Variants in AP1G2 observed in about 807,000 individuals in gnomAD.
AP1G2 encodes adaptor related protein complex 1 subunit gamma 2, also known as AP-1 complex subunit gamma-like 2.
In AP1G2, 85 loss-of-function variants were observed where a neutral mutation model predicts 95.8. That is an observed-to-expected ratio of 0.89 (90% CI 0.74 to 1.06). AP1G2 has a LOEUF of 1.06. Among genes scored for constraint, AP1G2 ranks in the 50% least tolerant of loss-of-function variants. The pLI, the probability that AP1G2 is intolerant of heterozygous loss-of-function variation, is 0.00. For synonymous variants in AP1G2, 378 were observed against 400.0 expected (o/e 0.94, Z 0.66); for missense variants, 967 against 1,005.8 (o/e 0.96, Z 0.52).
Position 23,562,064 on chromosome 14 carries a change from C to T in AP1G2, c.1631G>A (p.Arg544His), listed in dbSNP as rs375677387. Reference sequence around the variant, plus strand: ...GTAGATGGACACCACCTGGCGGATGCGGCTGGGCCAGTGTAGTATGTAAGT... The same window carrying T: ...GTAGATGGACACCACCTGGCGGATGTGGCTGGGCCAGTGTAGTATGTAAGT... ...LSTRLCGDNN[R>H]IRQVVSIYGS... Residue 544 changes from arginine (R) to histidine (H), a missense_variant and splice_region_variant, in exon 17 of 22, where the codon CGC (arginine) becomes CAC (histidine). Transcript: ENST00000397120. The T allele has an allele frequency of 1.2e-5, 20 of 1,612,628 alleles. No individual in the cohort carries two copies. The highest frequency in any genetic ancestry group is 7.7e-5 in the South Asian group (7 of 90,924).
chr14:23,565,392 T>TAA, intron 7 of AP1G2, 193 bp from the exon 8 acceptor site: 4 of 663,366 alleles, frequency 6.0e-6, no homozygotes, highest in Non-Finnish European at 1.0e-5. Context: ...AGGACAGGCT[T>TAA]AAAAAAAAAA....
At chr14:23,563,976 G>C (rs548955790) in intron 11 of AP1G2, 70 bp downstream of exon 11, 1 of 1,607,740 alleles carries the variant, frequency 6.2e-7, no homozygotes, top group Admixed American at 1.7e-5. Flanking sequence ...GCTCTAAACT[G>C]GCTCGAGTCT....
At chr14:23,564,276 A>G (rs1283707053) in intron 10 of AP1G2, 57 bp downstream of exon 10, 2 of 1,613,872 alleles carry the variant, frequency 1.2e-6, no homozygotes, top group Non-Finnish European at 1.7e-6. Context: ...TGGAGGAAGG[A>G]GGGCAGAGGG....
Position 23,561,547 on chromosome 14 carries a change from G to C in AP1G2, c.1822C>G (p.Leu608Val), listed in dbSNP as rs759013778. 1.4e-5 allele frequency: 23 copies of C among 1,614,042 alleles called. No individual in the cohort carries two copies. Among genetic ancestry groups the C allele is most frequent in the Non-Finnish European group, 8.5e-7 (1 of 1,180,030 alleles). ...GTGGGCACTGGGGCTGCTTCTGAAA[G>C]CTGGGCTGCTTCTTTGCTTTCCTTT... ...EAKESKEAAQLSEAAPVPTEP... is the reference protein window; with the variant it reads ...EAKESKEAAQVSEAAPVPTEP... The change falls in exon 18 of 22, where the codon CTT becomes GTT. Residue 608 changes from leucine to valine, a missense_variant. Coordinates refer to ENST00000397120, the MANE Select transcript of AP1G2 (RefSeq NM_003917.5).
In AP1G2 at chr14:23,564,375, T is replaced by G. The variant is rs1189378057; in HGVS notation, c.935A>C (p.Asn312Thr). 1 of 1,614,148 alleles carries G rather than the reference T, an allele frequency of 6.2e-7. No homozygotes were observed. The highest frequency in any genetic ancestry group is 1.1e-5 in the South Asian group (1 of 91,076). The change falls in exon 10 of 22, where the codon AAC becomes ACC. Residue 312 changes from asparagine (N) to threonine (T), a missense_variant. By Grantham distance (65) the Asn-to-Thr change is moderately conservative. Transcript: ENST00000397120. ...GTTGAGTAGGAAGCGACCAAGAATG[T>G]TGACAGCTAGAACCTATGAGAGGCA... is the stretch of plus-strand genomic sequence containing the variant. ...SAAGLRVLAV[N>T]ILGRFLLNSD...
At position 23,561,143 on chromosome 14, in the gene AP1G2, A is replaced by G. The variant is rs975312753; in HGVS notation, c.1993+153T>C. On this transcript the variant is annotated intron_variant, in intron 19 of 21. Transcript: ENST00000397120. Reference sequence around the variant, plus strand: ...AACAAAGGGAAGACAGATGACCATGATTGACTTCATTCTTTTACCTCCTGA... The same window carrying G: ...AACAAAGGGAAGACAGATGACCATGGTTGACTTCATTCTTTTACCTCCTGA... 134 of 1,385,080 alleles carry G rather than the reference A, an allele frequency of 9.7e-5. No homozygotes were observed. The African/African-American group carries it at 1.7e-3, about 18-fold the overall frequency. 85.8% of individuals were successfully genotyped at this position (1,385,080 alleles called of 1,614,324 possible). A position where few individuals can be genotyped will look rare whatever the true frequency, so the allele number is the denominator to read the frequency against.
chr14:23,559,729 C>G lies in AP1G2; in HGVS notation c.*20G>C. ...TGGGGTTTGGGACACAGGAGAATTT[C>G]AGGCTGTGAGTGGAGACAGTTACTG... On this transcript the variant is annotated 3_prime_UTR_variant, in exon 22 of 22. Transcript: ENST00000397120. 1 of 1,612,572 alleles carries G rather than the reference C, an allele frequency of 6.2e-7. No individual in the cohort carries two copies. The highest frequency in any genetic ancestry group is 8.5e-7 in the Non-Finnish European group (1 of 1,179,086).
At position 23,563,574 on chromosome 14, in the gene AP1G2, C is replaced by T; in HGVS notation, c.1287+10G>A. 1.9e-6 allele frequency: 3 copies of T among 1,614,236 alleles called. No individual in the cohort carries two copies. The highest frequency in any genetic ancestry group is 2.5e-6 in the Non-Finnish European group (3 of 1,180,030). ...CTTCTGCCCAGCTCTCTGACTGGCC[C>T]CTGCCTCACCGTTGTCAGCACATGC... On this transcript the variant is annotated intron_variant, in intron 13 of 21. Transcript: ENST00000397120.
rs1430171161 is a variant in AP1G2 at position 23,566,337 on chromosome 14, C to G, written c.412G>C (p.Asp138His). ...STMGSAEMCR[D>H]LAPEVEKLLL... Reference sequence around the variant, plus strand: ...AGTTTCTCCACCTCTGGGGCCAGGTCTCGGCACATCTCAGCAGAGCCCATG... The same window carrying G: ...AGTTTCTCCACCTCTGGGGCCAGGTGTCGGCACATCTCAGCAGAGCCCATG... The change falls in exon 4 of 22, where the codon GAC becomes CAC. Residue 138 changes from aspartate to histidine, a missense_variant. Coordinates refer to ENST00000397120, the MANE Select transcript of AP1G2 (RefSeq NM_003917.5). 1 of 1,613,910 alleles carries G rather than the reference C, an allele frequency of 6.2e-7. No individual in the cohort carries two copies. Among genetic ancestry groups the G allele is most frequent in the Admixed American group, 1.7e-5 (1 of 60,010 alleles).
Position 23,566,660 on chromosome 14 carries a change from G to A in AP1G2, c.231C>T (p.Ser77=). ...CCACCCTCTTGTCTGTGAATCTGGA[G>A]GAGGCGATCAGTTTCAGGCACTCCA... ...GQMECLKLIA[S]SRFTDKRVGY... is the part of the protein sequence containing the mutation. The change falls in exon 3 of 22, where the codon TCC becomes TCT. Residue 77 remains serine (S), a synonymous_variant. Coordinates refer to ENST00000397120, the MANE Select transcript of AP1G2 (RefSeq NM_003917.5). 6.2e-7 allele frequency: 1 copy of A among 1,614,222 alleles called. No individual in the cohort carries two copies.
In AP1G2 at chr14:23,565,674, G is replaced by A. The variant is rs371393479; in HGVS notation, c.673C>T (p.Arg225Trp). 7.4e-5 allele frequency: 120 copies of A among 1,614,036 alleles called. No homozygotes were observed. Among genetic ancestry groups the A allele is most frequent in the Middle Eastern group, 1.6e-4 (1 of 6,084 alleles). The change falls in exon 7 of 22, where the codon CGG becomes TGG. Residue 225 changes from arginine to tryptophan, a missense_variant. By Grantham distance (101) the Arg-to-Trp change is moderately radical. Transcript: ENST00000397120. Reference protein sequence around the residue: ...KVVPQLVHILRTLVTMGYSTE... With the variant: ...KVVPQLVHILWTLVTMGYSTE... ...GAGTATCCCATTGTCACCAGAGTCC[G>A]GAGGATGTGTACCAGCTGGGGTACC...
Position 23,562,488 on chromosome 14 carries a change from C to T in AP1G2, c.1500+16G>A, listed in dbSNP as rs1400388718. On this transcript the variant is annotated intron_variant, in intron 15 of 21. Coordinates refer to ENST00000397120, the MANE Select transcript of AP1G2 (RefSeq NM_003917.5). Reference sequence around the variant, plus strand: ...CTGACAAGTCCCTCCTCAGTGTACCCCCAATGAGGTCTCACCTGAAGGGGC... The same window carrying T: ...CTGACAAGTCCCTCCTCAGTGTACCTCCAATGAGGTCTCACCTGAAGGGGC... The T allele has an allele frequency of 1.2e-6, 2 of 1,613,908 alleles. No homozygotes were observed. Among genetic ancestry groups the T allele is most frequent in the African/African-American group, 2.7e-5 (2 of 74,932 alleles).
chr14:23,566,295 G>A lies in AP1G2; in HGVS notation c.454C>T (p.Pro152Ser). The A allele has an allele frequency of 6.2e-7, 1 of 1,613,894 alleles. No homozygotes were observed. The highest frequency in any genetic ancestry group is 2.2e-5 in the East Asian group (1 of 44,868). The change falls in exon 4 of 22, where the codon CCC (proline) becomes TCC (serine). Residue 152 changes from proline to serine, a missense_variant. By Grantham distance (74) the Pro-to-Ser change is moderately conservative. Coordinates refer to ENST00000397120, the MANE Select transcript of AP1G2 (RefSeq NM_003917.5). ...CATCTCACCTTCTTGCGCACGTAGG[G>A]ACTGGGCTGCAGGAGCAGTTTCTCC... ...EVEKLLLQPS[P>S]YVRKKAILTA...
chr14:23,563,674 C>G, intron 12 of AP1G2, 36 bp from the exon 13 acceptor site: 1 of 1,614,148 alleles, frequency 6.2e-7, no homozygotes, highest in Non-Finnish European at 8.5e-7. Context: ...CTGGTACTGA[C>G]GCTCCCCAGA....
chr14:23,564,619 CGCATTTCCG>C lies in AP1G2; in HGVS notation c.855_863del (p.Gly286_Ala288del). On this transcript the variant is annotated inframe_deletion, in exon 9 of 22. Coordinates refer to ENST00000397120, the MANE Select transcript of AP1G2 (RefSeq NM_003917.5). ...TGGTGAGTACTGTCTCAAACAGGAC[CGCATTTCCG>C]GCATTTCGGCTGGTGTCCGTGTTAG... The C allele has an allele frequency of 6.2e-7, 1 of 1,613,744 alleles. No homozygotes were observed. Among genetic ancestry groups the C allele is most frequent in the Non-Finnish European group, 8.5e-7 (1 of 1,180,018 alleles).
At chr14:23,561,016 G>T in intron 19 of AP1G2, 1 of 979,632 alleles carries the variant, frequency 1.0e-6, no homozygotes, top group Non-Finnish European at 1.3e-6. Flanking sequence ...GGGTGGGAGG[G>T]TGTGAGGAGC....
chr14:23,564,439 C>T, intron 9 of AP1G2, 51 bp from the exon 10 acceptor site: 1 of 1,609,892 alleles, frequency 6.2e-7, no homozygotes, highest in Admixed American at 1.7e-5. Context: ...CCTGCTCAGC[C>T]ATTGAGGACT....
Position 23,562,317 on chromosome 14 carries a change from CT to C in AP1G2, c.1598del (p.Lys533SerfsTer45). The C allele has an allele frequency of 6.2e-7, 1 of 1,614,198 alleles. No homozygotes were observed. Among genetic ancestry groups the C allele is most frequent in the Middle Eastern group, 1.6e-4 (1 of 6,062 alleles). ...TRGYALTALM[K>X]LSTRLCGDNN... is the part of the protein sequence containing the mutation. ...TGTCCCCACAGAGGCGAGTGCTGAG[CT>C]TCATGAGGGCTGTGAGGGCATATCC... On this transcript the variant is annotated frameshift_variant, in exon 16 of 22. Coordinates refer to ENST00000397120, the MANE Select transcript of AP1G2 (RefSeq NM_003917.5). LOFTEE classifies it high-confidence loss of function.
rs1267699483 is a variant in AP1G2 at position 23,563,621 on chromosome 14, C to T, written c.1250G>A (p.Arg417His). ...ATGCAGGATGGTGTCTATGTGCCAG[C>T]GTTTGGTTGGAGCAAACCTAGGGGA... ...LAAERFAPTK[R>H]WHIDTILHVL... The change falls in exon 13 of 22, where the codon CGC (arginine) becomes CAC (histidine). Residue 417 changes from arginine (R) to histidine (H), a missense_variant. Coordinates refer to ENST00000397120, the MANE Select transcript of AP1G2 (RefSeq NM_003917.5). 3.7e-6 allele frequency: 6 copies of T among 1,614,200 alleles called. No individual in the cohort carries two copies. The highest frequency in any genetic ancestry group is 1.1e-5 in the South Asian group (1 of 91,082).
Sources: allele counts gnomAD v4.1 joint callset, GRCh38; gene constraint gnomAD v4.1.1; transcripts MANE v1.5; gene names NCBI Gene and HGNC (gene_info 2026-07-23, HGNC 2026-07-21).